Variants in AGBL4 observed in about 807,000 individuals in gnomAD.
AGBL4 encodes the protein AGBL carboxypeptidase 4.
AGBL4 carries 58 observed loss-of-function variants against 66.4 expected under a neutral mutation model. The observed-to-expected ratio is 0.87, with a 90% CI of 0.71 to 1.09. The LOEUF is 1.09. AGBL4 is among the 50% of genes least tolerant of loss of function. The pLI is 0.00. For synonymous variants in AGBL4, 234 were observed against 222.9 expected, an observed-to-expected ratio of 1.05 and a Z score of -0.44; for missense variants, 579 against 631.0, an observed-to-expected ratio of 0.92 and a Z score of 0.88.
At chr1:49,844,773 A>G (rs1037477821) in intron 2 of AGBL4, 6 of 1,584,996 alleles carry the variant, frequency 3.8e-6, no homozygotes, top group Non-Finnish European at 5.2e-6. Context: ...TCATCTTGGT[A>G]GAAAGATTCC....
intron 6 of AGBL4, among the ~76,000 whole-genome samples, chr1:48,814,318 T>A (rs1000439394): frequency 3.3e-5 from 5 of 151,902 alleles, no homozygotes; most frequent in African/African-American, 9.7e-5. Flanking sequence ...TGCTACTTTT[T>A]AAAAATATTT....
At chr1:48,898,655 T>G (rs1396823895) in intron 5 of AGBL4, among the ~76,000 whole-genome samples, 1 of 152,192 alleles carries the variant, frequency 6.6e-6, no homozygotes, top group East Asian at 1.9e-4. Flanking sequence ...GTGCTTATTT[T>G]TTTTTTATGC....
At chr1:48,525,843 A>G in the AGBL4 span, among the ~76,000 whole-genome samples, 4 of 152,270 alleles carry the variant, frequency 2.6e-5, no homozygotes, top group Non-Finnish European at 5.9e-5. Context: ...AGACTTTGGG[A>G]TATTTCCTGG....
chr1:48,715,703 A>G (rs200083143), intron 6 of AGBL4, among the ~76,000 whole-genome samples: 6 of 152,044 alleles, frequency 3.9e-5, no homozygotes, highest in Admixed American at 6.5e-5. Flanking sequence ...AGGGAAAAAA[A>G]TGTGTTTCCT....
At chr1:49,067,339 A>T (rs1039238790) in intron 4 of AGBL4, among the ~76,000 whole-genome samples, 2 of 152,184 alleles carry the variant, frequency 1.3e-5, no homozygotes, top group Non-Finnish European at 2.9e-5. Context: ...CACTTGCTTA[A>T]AACCTTCCAG....
intron 1 of AGBL4, among the ~76,000 whole-genome samples, chr1:49,979,594 T>C (rs1161987683): frequency 6.6e-6 from 1 of 152,208 alleles, no homozygotes; most frequent in Non-Finnish European, 1.5e-5. Flanking sequence ...GTACATACTG[T>C]ACTACTGTAA....
intron 1 of AGBL4, among the ~76,000 whole-genome samples, chr1:49,928,064 A>G (rs1394050647): frequency 6.6e-6 from 1 of 152,174 alleles, no homozygotes; most frequent in African/African-American, 2.4e-5. Context: ...AATTAACGAG[A>G]TAAAAAATTA....
intron 5 of AGBL4, among the ~76,000 whole-genome samples, chr1:48,967,091 T>C (rs900680973): frequency 6.6e-6 from 1 of 151,812 alleles, no homozygotes; most frequent in African/African-American, 2.4e-5. Context: ...CACTACTTCA[T>C]TGGCAGAGTT....
chr1:48,935,513 G>A (rs10788901), intron 5 of AGBL4, among the ~76,000 whole-genome samples: 35,664 of 151,948 alleles, frequency 0.23, 5,207 homozygotes, highest in African/African-American at 0.42. Flanking sequence ...CCACTTCAAC[G>A]ATGCTCTCTA....
chr1:49,258,026 C>A (rs1433157232), intron 3 of AGBL4, among the ~76,000 whole-genome samples: 1 of 152,298 alleles, frequency 6.6e-6, no homozygotes, highest in African/African-American at 2.4e-5. Context: ...GTTCTGCAGA[C>A]CCCGCTGCTG....
chr1:49,465,376 G>T (rs902217644), intron 3 of AGBL4, among the ~76,000 whole-genome samples: 1 of 151,454 alleles, frequency 6.6e-6, no homozygotes, highest in African/African-American at 2.4e-5. Flanking sequence ...TAGAGCCTGT[G>T]TCCTCATTTG....
intron 4 of AGBL4, among the ~76,000 whole-genome samples, chr1:49,082,610 C>T (rs1447092390): frequency 6.6e-6 from 1 of 152,164 alleles, no homozygotes; most frequent in African/African-American, 2.4e-5. Context: ...CTGGCCCTGC[C>T]CTGGACATGT....
At chr1:48,580,379 C>A (rs1338183415) in intron 11 of AGBL4, among the ~76,000 whole-genome samples, 1 of 152,166 alleles carries the variant, frequency 6.6e-6, no homozygotes, top group Non-Finnish European at 1.5e-5. Context: ...GAGGAGTAAA[C>A]AGCTACTGTT....
intron 3 of AGBL4, among the ~76,000 whole-genome samples, chr1:49,662,654 C>T (rs1646292395): frequency 6.6e-6 from 1 of 152,022 alleles, no homozygotes; most frequent in African/African-American, 2.4e-5. Flanking sequence ...TATCCAAACA[C>T]TAGGAAGAGA....
intron 3 of AGBL4, among the ~76,000 whole-genome samples, chr1:49,543,711 A>G (rs1258043996): frequency 6.6e-6 from 1 of 152,172 alleles, no homozygotes; most frequent in East Asian, 1.9e-4. Flanking sequence ...CATATTTGTG[A>G]ACTAAATGTG....
intron 3 of AGBL4, among the ~76,000 whole-genome samples, chr1:49,295,299 AG>A (rs560945507): frequency 1.9e-3 from 294 of 152,304 alleles, no homozygotes; most frequent in Non-Finnish European, 2.3e-3. Flanking sequence ...TTTACAATGC[AG>A]TGTTACCAGA....
At chr1:49,999,140 C>T (rs1366224901) in intron 1 of AGBL4, among the ~76,000 whole-genome samples, 1 of 151,894 alleles carries the variant, frequency 6.6e-6, no homozygotes, top group Non-Finnish European at 1.5e-5. Context: ...GGAAGTCAAA[C>T]TGTCTGGGTA....
intron 3 of AGBL4, among the ~76,000 whole-genome samples, chr1:49,578,132 C>T (rs1009154185): frequency 6.6e-6 from 1 of 152,178 alleles, no homozygotes; most frequent in Non-Finnish European, 1.5e-5. Context: ...CACCTGGATA[C>T]TTTAGTCTCC....
intron 3 of AGBL4, among the ~76,000 whole-genome samples, chr1:49,564,670 G>C (rs916540868): frequency 1.3e-5 from 2 of 152,336 alleles, no homozygotes; most frequent in Admixed American, 1.3e-4. Context: ...TGGTCTGAGA[G>C]ACAGTTTGTT....
Sources: gnomAD v4.1 joint callset for allele counts (sites outside exome capture counted in the v4.1 genomes callset) on GRCh38, gnomAD v4.1.1 for gene constraint, MANE v1.5 for transcripts, NCBI Gene and HGNC (gene_info 2026-07-23, HGNC 2026-07-21) for gene names.